The following ANKS1B variants were observed in gnomAD, a reference collection of about 807,000 sequenced individuals.
ANKS1B encodes ankyrin repeat and sterile alpha motif domain containing 1B, also known as ankyrin repeat and sterile alpha motif domain-containing protein 1B.
ANKS1B carries 36 observed loss-of-function variants against 148.3 expected under a neutral mutation model. The ratio of observed to expected loss-of-function variants is 0.24; its 90% CI spans 0.19 to 0.32. The LOEUF is 0.32. ANKS1B is among the 10% of genes least tolerant of loss of function. The pLI is 1.00. For synonymous variants in ANKS1B, 542 were observed against 560.8 expected (o/e 0.97, Z 0.47); for missense variants, 1,157 against 1,542.6 (o/e 0.75, Z 4.19).
rs758876045 is a variant in ANKS1B, at chr12:98,751,442, C to T, written c.3660G>A (p.Gly1220=). Residue 1220 remains glycine (G), a synonymous_variant, in exon 26 of 27, where the codon GGG becomes GGA. Coordinates refer to ENST00000683438, the MANE Select transcript of ANKS1B (RefSeq NM_001352186.2). This position sits in a 1 kb window ranked among gnomAD's most constrained non-coding sequence, Gnocchi z 4.3. ...AYQLALQARK[G]GHSSTLPESF... ...TTTCTGGAAGTGTGGAGGAGTGTCC[C>T]CCTTTTCTTGCTTGTAGTGCTAGCT... 2 of 1,613,966 alleles carry T rather than the reference C, an allele frequency of 1.2e-6. No homozygotes were observed. Among genetic ancestry groups the T allele is most frequent in the South Asian group, 2.2e-5 (2 of 91,082 alleles).
chr12:98,753,406 G>T (rs1344107818), intron 25 of ANKS1B, among the ~76,000 whole-genome samples: 1 of 150,288 alleles, frequency 6.7e-6, no homozygotes, highest in Non-Finnish European at 1.5e-5. Flanking sequence ...CTGAGAGCAG[G>T]CATGGTCTGC....
chr12:99,179,932 A>C (rs918746882), intron 14 of ANKS1B, among the ~76,000 whole-genome samples: 9 of 152,210 alleles, frequency 5.9e-5, no homozygotes, highest in African/African-American at 2.2e-4. Context: ...AATCAACCCC[A>C]ACTGCATTTA....
chr12:99,234,475 T>C (rs1335399871), intron 14 of ANKS1B, among the ~76,000 whole-genome samples: 1 of 152,156 alleles, frequency 6.6e-6, no homozygotes, highest in Non-Finnish European at 1.5e-5. Context: ...ACATTAAGAT[T>C]GTAAGATCAG....
intron 12 of ANKS1B, among the ~76,000 whole-genome samples, chr12:99,390,566 C>G (rs1162129700): frequency 6.6e-6 from 1 of 152,194 alleles, no homozygotes; most frequent in Non-Finnish European, 1.5e-5. Context: ...TTTCTGGGCA[C>G]TGGCCTCGAG....
At chr12:99,618,704 G>T (rs116032722) in intron 9 of ANKS1B, among the ~76,000 whole-genome samples, 1,543 of 152,112 alleles carry the variant, frequency 0.01, 33 homozygotes, top group African/African-American at 0.036. Context: ...TTGGGAAGGG[G>T]CTTAGAGACA....
At chr12:99,033,629 A>C (rs1039718119) in intron 17 of ANKS1B, among the ~76,000 whole-genome samples, 1 of 151,578 alleles carries the variant, frequency 6.6e-6, no homozygotes, top group East Asian at 1.9e-4. Context: ...GCACCACTGC[A>C]CTCCAGCCTG....
chr12:99,545,879 G>T (rs946451139), intron 9 of ANKS1B, among the ~76,000 whole-genome samples: 4 of 151,150 alleles, frequency 2.6e-5, no homozygotes, highest in Admixed American at 6.6e-5. Context: ...AATAACATTT[G>T]CCTTCCTTTC....
chr12:99,781,486 T>G (rs756378737), intron 5 of ANKS1B, among the ~76,000 whole-genome samples: 1 of 152,140 alleles, frequency 6.6e-6, no homozygotes, highest in Non-Finnish European at 1.5e-5. Context: ...TAAGCCAACT[T>G]TATTGTTCCT....
At position 98,799,010 on chromosome 12, in the gene ANKS1B, A is replaced by T; in HGVS notation, c.3271-5T>A. The T allele has an allele frequency of 6.3e-7, 1 of 1,589,486 alleles. No homozygotes were observed. The highest frequency in any genetic ancestry group is 8.6e-7 in the Non-Finnish European group (1 of 1,168,004). On this transcript the variant is annotated splice_region_variant and splice_polypyrimidine_tract_variant and intron_variant, in intron 21 of 26. Transcript: ENST00000683438. ...TATCAGCATAGAACCTAAATACTAA[A>T]ATACAAAAAAAATTCAATGATTTAT...
chr12:99,416,856 A>G (rs570974701), intron 11 of ANKS1B, among the ~76,000 whole-genome samples: 1 of 151,386 alleles, frequency 6.6e-6, no homozygotes, highest in East Asian at 1.9e-4. Context: ...AATGAAGTAC[A>G]TTTTTTTTTA....
intron 12 of ANKS1B, among the ~76,000 whole-genome samples, chr12:99,269,319 A>T (rs915315183): frequency 2.0e-5 from 3 of 152,218 alleles, no homozygotes; most frequent in African/African-American, 7.2e-5. Context: ...TCTATGGTTT[A>T]CACATAAAAG....
At chr12:99,013,300 T>C (rs1273867939) in intron 17 of ANKS1B, among the ~76,000 whole-genome samples, 2 of 152,182 alleles carry the variant, frequency 1.3e-5, no homozygotes, top group Non-Finnish European at 2.9e-5. Context: ...GCATTTCCTA[T>C]GTCTTAAGAA....
intron 15 of ANKS1B, among the ~76,000 whole-genome samples, chr12:99,145,286 T>C (rs1173702213): frequency 6.6e-6 from 1 of 151,992 alleles, no homozygotes; most frequent in Non-Finnish European, 1.5e-5. Flanking sequence ...ACAGTGTTTA[T>C]ATGAGGCAGT....
chr12:99,895,088 C>T (rs1450185844), intron 1 of ANKS1B, among the ~76,000 whole-genome samples: 1 of 150,910 alleles, frequency 6.6e-6, no homozygotes, highest in Non-Finnish European at 1.5e-5. Context: ...AAACATGATT[C>T]TGCATGTTTC....
rs527722085 is a variant in ANKS1B, at chr12:99,348,844, C to T, written c.1756+50787G>A. 5.9e-5 allele frequency among the ~76,000 whole-genome samples: 9 copies of T among 151,992 alleles called. No individual in the cohort carries two copies. In the South Asian group the frequency reaches 1.2e-3, roughly 21 times the overall value. ...CACACTAGACAACAACTTGCAGCTA[C>T]ATGAAGAAATAAAAATCACCAGTAA... On this transcript the variant is annotated intron_variant, in intron 12 of 26. Transcript: ENST00000683438.
At chr12:99,577,237 A>G (rs1320588900) in intron 9 of ANKS1B, among the ~76,000 whole-genome samples, 3 of 151,324 alleles carry the variant, frequency 2.0e-5, no homozygotes, top group Non-Finnish European at 3.0e-5. Flanking sequence ...CTGCTATTTC[A>G]CTTAACAAAT....
chr12:98,776,716 C>T (rs961718645), intron 24 of ANKS1B, among the ~76,000 whole-genome samples: 1 of 152,230 alleles, frequency 6.6e-6, no homozygotes, highest in South Asian at 2.1e-4. Flanking sequence ...CTTGCATCTC[C>T]TCATCAGCCG....
At chr12:99,768,944 C>T (rs2062938343) in intron 8 of ANKS1B, among the ~76,000 whole-genome samples, 1 of 151,684 alleles carries the variant, frequency 6.6e-6, no homozygotes, top group South Asian at 2.1e-4. Context: ...CAGGCCTTCA[C>T]CAGCTACCAG....
At chr12:99,903,148 G>A (rs1346567224) in intron 1 of ANKS1B, among the ~76,000 whole-genome samples, 1 of 152,294 alleles carries the variant, frequency 6.6e-6, no homozygotes, top group South Asian at 2.1e-4. Flanking sequence ...TATTATTCAT[G>A]TTTTGAGAAA....
Sources: allele counts gnomAD v4.1 joint callset (sites outside exome capture counted in the v4.1 genomes callset), GRCh38; gene constraint gnomAD v4.1.1; non-coding constraint Gnocchi (gnomAD v3.1); transcripts MANE v1.5; gene names NCBI Gene and HGNC (gene_info 2026-07-23, HGNC 2026-07-21).